LINGO3: variants seen among roughly 807,000 people sequenced by gnomAD.
LINGO3 encodes the protein leucine-rich repeat and immunoglobulin-like domain-containing nogo receptor-interacting protein 3.
For missense variants in LINGO3, 750 were observed against 867.7 expected (o/e 0.86, Z 1.70); for synonymous variants, 427 against 444.2 (o/e 0.96, Z 0.49).
upstream of LINGO3, among the ~76,000 whole-genome samples, chr19:2,294,489 C>G (rs1182505848): frequency 1.3e-5 from 2 of 152,132 alleles, no homozygotes; most frequent in African/African-American, 4.8e-5. The surrounding 1 kb of genome is among the most constrained non-coding windows in gnomAD (Gnocchi z 4.3). Flanking sequence ...ACAGGCCGAC[C>G]CAAAAGTTGA....
the LINGO3 span, among the ~76,000 whole-genome samples, chr19:2,305,059 G>C: frequency 6.6e-6 from 1 of 152,108 alleles, no homozygotes; most frequent in Non-Finnish European, 1.5e-5. Flanking sequence ...CTGGCCTCCA[G>C]AACGGTGCAA....
chr19:2,301,140 C>T, the LINGO3 span, among the ~76,000 whole-genome samples: 16 of 152,290 alleles, frequency 1.1e-4, no homozygotes, highest in East Asian at 2.1e-3. Flanking sequence ...TTGAAATCCA[C>T]GCCCTGAGTG....
chr19:2,293,279 T>G (rs949624715), upstream of LINGO3, among the ~76,000 whole-genome samples: 1 of 151,770 alleles, frequency 6.6e-6, no homozygotes, highest in Non-Finnish European at 1.5e-5. Context: ...TTAGCCAGGA[T>G]GGTCTCGATC....
upstream of LINGO3, among the ~76,000 whole-genome samples, chr19:2,296,130 C>T (rs1378852503): frequency 1.3e-5 from 2 of 152,192 alleles, no homozygotes; most frequent in Non-Finnish European, 2.9e-5. Context: ...CATTCTCTCC[C>T]GAGCTGCTGC....
At chr19:2,292,424 AAGC>A (rs2025533926), upstream of LINGO3, among the ~76,000 whole-genome samples, 7 of 143,920 alleles carry the variant, frequency 4.9e-5, no homozygotes, top group Admixed American at 5.0e-4. Flanking sequence ...AAAAAAAAAA[AAGC>A]AGCATTGATC....
At chr19:2,291,409 G>C (rs1449569069) in exon 1 of LINGO3, 1 of 1,613,496 alleles carries the variant, frequency 6.2e-7, no homozygotes, top group Non-Finnish European at 8.5e-7. Flanking sequence ...GTCCAGGCGC[G>C]TGAAGACCCC....
At chr19:2,288,833 T>C (rs1445689770), downstream of LINGO3, among the ~76,000 whole-genome samples, 1 of 151,358 alleles carries the variant, frequency 6.6e-6, no homozygotes, top group Non-Finnish European at 1.5e-5. The surrounding 1 kb of genome is among the most constrained non-coding windows in gnomAD (Gnocchi z 6.5). Flanking sequence ...TGTGTCTCAG[T>C]TATGCGTTGT....
chr19:2,287,999 C>T (rs1051897303), downstream of LINGO3, among the ~76,000 whole-genome samples: 3 of 152,152 alleles, frequency 2.0e-5, no homozygotes, highest in African/African-American at 7.2e-5. This position sits in a 1 kb window ranked among gnomAD's most constrained non-coding sequence, Gnocchi z 4.5. Context: ...AGGGGAGGGG[C>T]AAGAACTGGC....
upstream of LINGO3, among the ~76,000 whole-genome samples, chr19:2,296,217 C>T (rs1457321739): frequency 1.3e-5 from 2 of 152,104 alleles, no homozygotes; most frequent in African/African-American, 2.4e-5. Context: ...CTTTTATCTG[C>T]CCCCCGACCC....
At chr19:2,287,270 C>A (rs2025477465), downstream of LINGO3, among the ~76,000 whole-genome samples, 1 of 151,840 alleles carries the variant, frequency 6.6e-6, no homozygotes, top group African/African-American at 2.4e-5. This position sits in a 1 kb window ranked among gnomAD's most constrained non-coding sequence, Gnocchi z 4.5. Context: ...GGGTGGGGGG[C>A]TCAGGGGGCT....
chr19:2,303,270 G>A, the LINGO3 span, among the ~76,000 whole-genome samples: 1 of 152,206 alleles, frequency 6.6e-6, no homozygotes, highest in Non-Finnish European at 1.5e-5. Context: ...TCAAGGTGGG[G>A]GCACAAACAG....
chr19:2,295,668 G>A (rs958313128), upstream of LINGO3, among the ~76,000 whole-genome samples: 11 of 152,268 alleles, frequency 7.2e-5, no homozygotes, highest in South Asian at 4.2e-4. Context: ...CCTGGCAGGC[G>A]GAGGTGGCAG....
chr19:2,296,899 T>A (rs992327231), upstream of LINGO3, among the ~76,000 whole-genome samples: 6 of 148,070 alleles, frequency 4.1e-5, no homozygotes, highest in African/African-American at 7.4e-5. Flanking sequence ...CCATCCTGGC[T>A]AACATGGTGA....
exon 1 of LINGO3, chr19:2,291,344 T>C: frequency 6.2e-7 from 1 of 1,613,188 alleles, no homozygotes; most frequent in Non-Finnish European, 8.5e-7. Context: ...TCCTGGAAAG[T>C]GTAGTCCAGC....
At chr19:2,308,138 G>GAGC in the LINGO3 span, among the ~76,000 whole-genome samples, 14 of 114,954 alleles carry the variant, frequency 1.2e-4, no homozygotes, top group East Asian at 9.1e-4. Context: ...GAGCCGACAC[G>GAGC]AGCAGCCGCC....
chr19:2,297,101 T>C, the LINGO3 span, among the ~76,000 whole-genome samples: 2 of 149,710 alleles, frequency 1.3e-5, no homozygotes, highest in African/African-American at 4.9e-5. Flanking sequence ...CAAAAAAAAA[T>C]AAAAAAGAAG....
At chr19:2,301,249 C>G in the LINGO3 span, among the ~76,000 whole-genome samples, 1 of 151,786 alleles carries the variant, frequency 6.6e-6, no homozygotes, top group African/African-American at 2.4e-5. Context: ...GAGCAGGGGA[C>G]AGATTTAGTG....
chr19:2,302,125 A>C, the LINGO3 span, among the ~76,000 whole-genome samples: 1 of 144,122 alleles, frequency 6.9e-6, no homozygotes, highest in Admixed American at 7.1e-5. Flanking sequence ...GCAATGGTTC[A>C]ATCTAGGCTC....
the LINGO3 span, among the ~76,000 whole-genome samples, chr19:2,299,066 C>T: frequency 6.6e-6 from 1 of 152,182 alleles, no homozygotes; most frequent in East Asian, 1.9e-4. Flanking sequence ...CCCTCCGGGG[C>T]ACCCTCCAAG....
Sources: allele counts gnomAD v4.1 joint callset (sites outside exome capture counted in the v4.1 genomes callset), GRCh38; gene constraint gnomAD v4.1.1; non-coding constraint Gnocchi (gnomAD v3.1); transcripts MANE v1.5; gene names NCBI Gene and HGNC (gene_info 2026-07-23, HGNC 2026-07-21).